The following ADGRB3 variants were observed in gnomAD, a reference collection of about 807,000 sequenced individuals.
ADGRB3 encodes the protein brain-specific angiogenesis inhibitor 3.
Under a neutral mutation model 193.4 loss-of-function variants are expected in ADGRB3, and 37 were observed. The ratio of observed to expected loss-of-function variants is 0.19; its 90% CI spans 0.15 to 0.25. The LOEUF is 0.25. Among genes scored for constraint, ADGRB3 ranks in the 10% least tolerant of loss-of-function variants. The pLI is 1.00. For synonymous variants in ADGRB3, 690 were observed against 644.2 expected (o/e 1.07, Z -1.08); for missense variants, 1,637 against 1,852.9 (o/e 0.88, Z 2.14).
chr6:69,189,233 A>G (rs1403814296), intron 17 of ADGRB3, among the ~76,000 whole-genome samples: 1 of 152,222 alleles, frequency 6.6e-6, no homozygotes, highest in Admixed American at 6.5e-5. Flanking sequence ...GTGCAGTCAC[A>G]ATAGGAACTT....
intron 17 of ADGRB3, among the ~76,000 whole-genome samples, chr6:69,179,858 T>A (rs532698553): frequency 6.6e-6 from 1 of 152,330 alleles, no homozygotes; most frequent in Non-Finnish European, 1.5e-5. Context: ...CTGTAATGAC[T>A]AGGCATGTAC....
chr6:68,790,603 G>C (rs1032079832), intron 3 of ADGRB3, among the ~76,000 whole-genome samples: 1 of 152,108 alleles, frequency 6.6e-6, no homozygotes. Flanking sequence ...CCAGAGGAAC[G>C]ATCAGGCAGC....
At chr6:69,149,251 G>T (rs1029276879) in intron 17 of ADGRB3, among the ~76,000 whole-genome samples, 1 of 151,400 alleles carries the variant, frequency 6.6e-6, no homozygotes, top group Non-Finnish European at 1.5e-5. Flanking sequence ...TATTTCCTCT[G>T]ACTGTGTATT....
intron 3 of ADGRB3, among the ~76,000 whole-genome samples, chr6:68,768,241 T>C (rs535929113): frequency 6.6e-6 from 1 of 152,080 alleles, no homozygotes; most frequent in Non-Finnish European, 1.5e-5. Flanking sequence ...AAGACAATCC[T>C]AGACAAAAAG....
rs576109663 is a variant in ADGRB3, at chr6:68,967,543, A to G, written c.1526-7220A>G. 1.3e-3 allele frequency among the ~76,000 whole-genome samples: 195 copies of G among 151,954 alleles called. 1 individual carries two copies. The highest frequency in any genetic ancestry group is 2.1e-3 in the Non-Finnish European group (142 of 67,976). The stretch of plus-strand genomic sequence containing the variant: ...ATTTTTAAGGTAACTGTAGTAGCTA[A>G]CCTCCCTATCTTTCTGCTCCTAACT... On this transcript the variant is annotated intron_variant, in intron 8 of 31. Coordinates refer to ENST00000370598, the MANE Select transcript of ADGRB3 (RefSeq NM_001704.3).
intron 3 of ADGRB3, among the ~76,000 whole-genome samples, chr6:68,886,666 G>C (rs141563175): frequency 1.4e-4 from 22 of 152,040 alleles, no homozygotes; most frequent in African/African-American, 4.8e-4. Context: ...AAACTAAAGA[G>C]CAAAAATAAT....
Position 68,883,750 on chromosome 6 carries a change from C to T in ADGRB3, c.758-46809C>T, listed in dbSNP as rs150586855. 5.3e-3 allele frequency among the ~76,000 whole-genome samples: 804 copies of T among 152,256 alleles called. 7 individuals carry two copies. The highest frequency in any genetic ancestry group is 0.018 in the African/African-American group (749 of 41,536). ...TTTGAACATGAGAAGGAACAAACGC[C>T]GGACACGTCACCTTTATAGAACTGT... On this transcript the variant is annotated intron_variant, in intron 3 of 31. Coordinates refer to ENST00000370598, the MANE Select transcript of ADGRB3 (RefSeq NM_001704.3).
intron 16 of ADGRB3, among the ~76,000 whole-genome samples, chr6:69,067,505 G>T (rs1771943304): frequency 6.6e-6 from 1 of 152,080 alleles, no homozygotes; most frequent in Non-Finnish European, 1.5e-5. Context: ...ACATTCATCA[G>T]TGGGTATTTT....
At chr6:68,991,131 G>A (rs1406048556) in intron 10 of ADGRB3, among the ~76,000 whole-genome samples, 1 of 152,056 alleles carries the variant, frequency 6.6e-6, no homozygotes, top group Admixed American at 6.6e-5. Context: ...TTTGTCTCAT[G>A]CTATTTGTTA....
chr6:69,075,479 T>C (rs1772201676), intron 16 of ADGRB3, among the ~76,000 whole-genome samples: 1 of 152,198 alleles, frequency 6.6e-6, no homozygotes, highest in Non-Finnish European at 1.5e-5. Context: ...ACAACCATGA[T>C]ATGCTAATTA....
intron 3 of ADGRB3, among the ~76,000 whole-genome samples, chr6:68,828,572 G>A (rs959749556): frequency 6.6e-6 from 1 of 152,002 alleles, no homozygotes; most frequent in East Asian, 1.9e-4. Context: ...TGGGAGAAGA[G>A]GTTGGATATC....
intron 3 of ADGRB3, among the ~76,000 whole-genome samples, chr6:68,911,812 CTTT>C (rs79737496): frequency 8.3e-5 from 10 of 120,042 alleles, no homozygotes; most frequent in Admixed American, 1.7e-4. Context: ...TGGAAAATTA[CTTT>C]TTTTTTTTTT....
chr6:69,231,388 T>C (rs930899210), intron 17 of ADGRB3, among the ~76,000 whole-genome samples: 4 of 152,232 alleles, frequency 2.6e-5, no homozygotes, highest in Non-Finnish European at 2.9e-5. Flanking sequence ...CTGAAAAGTG[T>C]AAGTACTGGA....
chr6:69,072,937 A>G (rs1165167614), intron 16 of ADGRB3, among the ~76,000 whole-genome samples: 1 of 152,190 alleles, frequency 6.6e-6, no homozygotes, highest in Non-Finnish European at 1.5e-5. Flanking sequence ...CCAATTTAAT[A>G]CACCATTCCC....
chr6:68,965,947 G>C (rs554923971), intron 8 of ADGRB3, among the ~76,000 whole-genome samples: 1 of 152,184 alleles, frequency 6.6e-6, no homozygotes, highest in Non-Finnish European at 1.5e-5. Flanking sequence ...TCTCTAGCTT[G>C]TTTTCTTCTG....
chr6:68,709,384 A>G (rs1765374124), intron 3 of ADGRB3, among the ~76,000 whole-genome samples: 1 of 152,194 alleles, frequency 6.6e-6, no homozygotes, highest in Non-Finnish European at 1.5e-5. Flanking sequence ...CTTTGCAAAA[A>G]TTATAATACT....
intron 3 of ADGRB3, among the ~76,000 whole-genome samples, chr6:68,721,532 G>A (rs36145773): frequency 1.3e-5 from 2 of 151,170 alleles, no homozygotes; most frequent in African/African-American, 2.4e-5. Context: ...TGTAAATGAC[G>A]AGTTAATGGG....
intron 3 of ADGRB3, among the ~76,000 whole-genome samples, chr6:68,698,561 G>A (rs974470898): frequency 6.6e-6 from 1 of 151,884 alleles, no homozygotes; most frequent in African/African-American, 2.4e-5. Context: ...TTATCTCAGT[G>A]ACATCATTGT....
At chr6:69,098,913 T>G (rs919959239) in intron 17 of ADGRB3, among the ~76,000 whole-genome samples, 13 of 152,222 alleles carry the variant, frequency 8.5e-5, no homozygotes, top group African/African-American at 3.1e-4. Context: ...CAATGAAAAT[T>G]TTATCAGTGC....
Sources: allele counts gnomAD v4.1 joint callset (sites outside exome capture counted in the v4.1 genomes callset), GRCh38; gene constraint gnomAD v4.1.1; transcripts MANE v1.5; gene names NCBI Gene and HGNC (gene_info 2026-07-23, HGNC 2026-07-21).